Variants in FAM76A observed in about 807,000 individuals in gnomAD.
The protein encoded by FAM76A is family with sequence similarity 76 member A, also known as protein FAM76A.
A neutral mutation model predicts 46.2 loss-of-function variants in FAM76A; 32 were observed. The observed-to-expected ratio is 0.69, with a 90% CI of 0.52 to 0.93. FAM76A has a LOEUF of 0.93. Ranked by LOEUF, FAM76A falls within the 40% of genes least tolerant of loss-of-function variation. The pLI, the probability that FAM76A is intolerant of heterozygous loss-of-function variation, is 0.00. For synonymous variants in FAM76A, 137 were observed against 127.0 expected, an observed-to-expected ratio of 1.08 and a Z score of -0.53; for missense variants, 274 against 361.5, an observed-to-expected ratio of 0.76 and a Z score of 1.96.
chr1:27,745,129 C>T, intron 5 of FAM76A, among the ~76,000 whole-genome samples: 1 of 152,132 alleles, frequency 6.6e-6, no homozygotes, highest in South Asian at 2.1e-4. Context: ...CTGAGAGATA[C>T]AGCTTTTTCA....
Position 27,760,596 on chromosome 1 carries a change from G to T in FAM76A, c.*15G>T. On this transcript the variant is annotated 3_prime_UTR_variant, in exon 9 of 9. Coordinates refer to ENST00000373954, the MANE Select transcript of FAM76A (RefSeq NM_152660.3). ...CCTCTCCATGACAGACCTCAAGGAG[G>T]CTCCCTAGCAACAGCAAATGGAGTT... is the stretch of plus-strand genomic sequence containing the variant. 1 of 1,591,790 alleles carries T rather than the reference G, an allele frequency of 6.3e-7. No individual in the cohort carries two copies.
chr1:27,743,285 G>C (rs376289271), intron 4 of FAM76A, among the ~76,000 whole-genome samples: 3 of 151,946 alleles, frequency 2.0e-5, no homozygotes, highest in East Asian at 3.9e-4. Context: ...CTAGTAGCTG[G>C]GACTACAGGC....
intron 4 of FAM76A, among the ~76,000 whole-genome samples, chr1:27,736,424 CAA>C (rs559516698): frequency 2.6e-4 from 39 of 152,286 alleles, no homozygotes; most frequent in African/African-American, 8.2e-4. Context: ...GTTAATCTAT[CAA>C]TGCCTCAGTT....
At chr1:27,737,987 A>C (rs1571476191) in intron 4 of FAM76A, among the ~76,000 whole-genome samples, 2 of 151,550 alleles carry the variant, frequency 1.3e-5, no homozygotes, top group South Asian at 4.2e-4. Context: ...TAGGAGTACG[A>C]GGCTCCAGTG....
chr1:27,727,375 A>G (rs909070819), intron 1 of FAM76A, 97 bp from the exon 2 acceptor site: 49 of 939,432 alleles, frequency 5.2e-5, no homozygotes, highest in Middle Eastern at 4.3e-4. Context: ...ACTCAAGCAT[A>G]GTAGCTATGC....
At chr1:27,757,736 G>A (rs1207336625) in intron 7 of FAM76A, among the ~76,000 whole-genome samples, 5 of 152,168 alleles carry the variant, frequency 3.3e-5, no homozygotes, top group Non-Finnish European at 7.4e-5. Context: ...CACCATTTTG[G>A]GAGGCCAAGG....
intron 7 of FAM76A, among the ~76,000 whole-genome samples, chr1:27,755,923 A>C (rs1246244295): frequency 1.3e-5 from 2 of 152,214 alleles, no homozygotes; most frequent in Non-Finnish European, 2.9e-5. Context: ...TGTATAAAAA[A>C]ACCAGTGTTC....
intron 3 of FAM76A, among the ~76,000 whole-genome samples, chr1:27,733,515 A>G (rs1047991696): frequency 2.0e-5 from 3 of 152,192 alleles, no homozygotes; most frequent in Non-Finnish European, 4.4e-5. Context: ...TTAAAAATCA[A>G]TAGTCCTGTG....
chr1:27,726,161 G>T lies in FAM76A; in HGVS notation c.81G>T (p.Lys27Asn). 7.8e-7 allele frequency: 1 copy of T among 1,286,464 alleles called. No homozygotes were observed. Among genetic ancestry groups the T allele is most frequent in the Admixed American group, 3.5e-5 (1 of 28,980 alleles). The allele number at this position is 1,286,464 out of a possible 1,614,324, so 79.7% of individuals were successfully genotyped here. ...TGTCTCAGGGGCAGCAGCTGTGCAAGGTGCGCGGGCTGGGGCGGCGGCCGG... is the reference window on the plus strand; with the variant it reads ...TGTCTCAGGGGCAGCAGCTGTGCAATGTGCGCGGGCTGGGGCGGCGGCCGG... ...EALSQGQQLC[K>N]ECRIAHPVVK... The change falls in exon 1 of 9, where the codon AAG becomes AAT. Residue 27 changes from lysine to asparagine, a missense_variant and splice_region_variant. Physicochemically the swap from Lys to Asn is moderately conservative, Grantham distance 94. Coordinates refer to ENST00000373954, the MANE Select transcript of FAM76A (RefSeq NM_152660.3).
chr1:27,727,773 C>T (rs980636782), intron 2 of FAM76A, among the ~76,000 whole-genome samples: 4 of 144,990 alleles, frequency 2.8e-5, no homozygotes, highest in African/African-American at 5.1e-5. Flanking sequence ...TGTATTGTTT[C>T]CTAGTTATTA....
chr1:27,733,921 A>G, intron 3 of FAM76A, 110 bp from the exon 4 acceptor site: 2 of 1,033,234 alleles, frequency 1.9e-6, no homozygotes, highest in Non-Finnish European at 2.8e-6. Context: ...GAAGTCGGCA[A>G]TACATTTGTA....
At chr1:27,752,138 C>T (rs1258759194) in intron 6 of FAM76A, among the ~76,000 whole-genome samples, 2 of 152,152 alleles carry the variant, frequency 1.3e-5, no homozygotes, top group African/African-American at 4.8e-5. Flanking sequence ...CCCATGTTTT[C>T]TGCAAGTTGC....
At chr1:27,726,567 G>C (rs559143133) in intron 1 of FAM76A, among the ~76,000 whole-genome samples, 266 of 152,182 alleles carry the variant, frequency 1.7e-3, no homozygotes, top group Non-Finnish European at 1.4e-3. Flanking sequence ...GGAATGTGTC[G>C]AACTCGGGCT....
chr1:27,727,438 T>G (rs1358037551), intron 1 of FAM76A, 34 bp from the exon 2 acceptor site: 1 of 1,590,766 alleles, frequency 6.3e-7, no homozygotes, highest in African/African-American at 1.3e-5. Context: ...CATTTGTGAC[T>G]GCCTTTTAAA....
chr1:27,730,826 G>T (rs561335348), intron 2 of FAM76A, among the ~76,000 whole-genome samples: 4 of 152,146 alleles, frequency 2.6e-5, no homozygotes, highest in African/African-American at 9.6e-5. Context: ...AGTTTTTTGT[G>T]TGTGTGTGTG....
intron 6 of FAM76A, among the ~76,000 whole-genome samples, chr1:27,752,072 C>T (rs1209990048): frequency 6.6e-6 from 1 of 152,158 alleles, no homozygotes; most frequent in African/African-American, 2.4e-5. Context: ...CCAGACCCAG[C>T]CCCTAAAATA....
chr1:27,733,583 C>A (rs1019972250), intron 3 of FAM76A, among the ~76,000 whole-genome samples: 2 of 151,954 alleles, frequency 1.3e-5, no homozygotes, highest in Non-Finnish European at 1.5e-5. Flanking sequence ...CGTGGTGGCT[C>A]ACACCTATAA....
At chr1:27,744,878 A>G (rs183770713) in intron 5 of FAM76A, 67 bp downstream of exon 5, 2 of 1,452,554 alleles carry the variant, frequency 1.4e-6, no homozygotes, top group Admixed American at 1.8e-5. Flanking sequence ...TCACATAACC[A>G]TCATGGTACA....
chr1:27,752,907 C>T (rs1484225705), intron 6 of FAM76A, among the ~76,000 whole-genome samples: 1 of 152,162 alleles, frequency 6.6e-6, no homozygotes, highest in East Asian at 1.9e-4. Flanking sequence ...CGCCTGTAAT[C>T]CCAGCACTTT....
Sources: gnomAD v4.1 joint callset for allele counts (sites outside exome capture counted in the v4.1 genomes callset) on GRCh38, gnomAD v4.1.1 for gene constraint, MANE v1.5 for transcripts, NCBI Gene and HGNC (gene_info 2026-07-23, HGNC 2026-07-21) for gene names.